The following RFT1 variants were observed in gnomAD, a reference collection of about 807,000 sequenced individuals.
RFT1 encodes the protein RFT1 glycolipid translocator homolog.
Under a neutral mutation model 62.2 loss-of-function variants are expected in RFT1, and 43 were observed. That is an observed-to-expected ratio of 0.69 (90% CI 0.54 to 0.89). The LOEUF (loss-of-function observed/expected upper bound fraction) is 0.89, where lower values mean the gene tolerates loss of function less well. RFT1 is among the 40% of genes least tolerant of loss of function. The pLI, the probability that RFT1 is intolerant of heterozygous loss-of-function variation, is 0.00. For synonymous variants in RFT1, 262 were observed against 264.6 expected (o/e 0.99, Z 0.10); for missense variants, 605 against 649.9 (o/e 0.93, Z 0.75).
At chr3:53,120,086 A>C in intron 5 of RFT1, 65 bp from the exon 6 acceptor site, 4 of 1,395,736 alleles carry the variant, frequency 2.9e-6, no homozygotes, top group Non-Finnish European at 2.9e-6. Flanking sequence ...ATTTGATCTC[A>C]AAGGCCAGTC....
chr3:53,111,960 A>C lies in RFT1; in HGVS notation c.697-52T>G, dbSNP rs749043940. ...AAACATCACAGGCGTTGCAAGTCTA[A>C]GAATGCAATGCTACATGAGAGGCAA... On this transcript the variant is annotated intron_variant, in intron 6 of 12. Transcript: ENST00000296292. The C allele has an allele frequency of 7.8e-6, 11 of 1,402,078 alleles. No homozygotes were observed. In the East Asian group the frequency reaches 2.5e-4, roughly 32 times the overall value. 86.9% of individuals were successfully genotyped at this position (1,402,078 alleles called of 1,614,324 possible). A position where few individuals can be genotyped will look rare whatever the true frequency, so the allele number is the denominator to read the frequency against.
chr3:53,103,307 C>A (rs1328940436), intron 10 of RFT1: 2 of 982,936 alleles, frequency 2.0e-6, no homozygotes, highest in Admixed American at 6.2e-5. Context: ...CAAGATGAAG[C>A]ACTGCAAATG....
rs1159558402 is a variant in RFT1, at chr3:53,090,935, T to C, written c.*968A>G. On this transcript the variant is annotated 3_prime_UTR_variant, in exon 13 of 13. Coordinates refer to ENST00000296292, the MANE Select transcript of RFT1 (RefSeq NM_052859.4). ...GCTGGAATTTGGTTGTATTGATCAA[T>C]GCTGGAATTAATGGGTCAACGGGAG... 1 of 152,254 alleles carries C rather than the reference T, an allele frequency of 6.6e-6. No homozygotes were observed. The highest frequency in any genetic ancestry group is 1.5e-5 in the Non-Finnish European group (1 of 68,072). 9.4% of individuals were successfully genotyped at this position (152,254 alleles called of 1,614,324 possible). A position where few individuals can be genotyped will look rare whatever the true frequency, so the allele number is the denominator to read the frequency against.
chr3:53,105,595 C>T, intron 9 of RFT1, 78 bp downstream of exon 9: 2 of 1,516,684 alleles, frequency 1.3e-6, no homozygotes, highest in East Asian at 2.3e-5. Flanking sequence ...AGAAGAGAAA[C>T]AGACTGCTTC....
intron 6 of RFT1, among the ~76,000 whole-genome samples, chr3:53,117,400 T>C (rs563663865): frequency 6.6e-6 from 1 of 152,286 alleles, no homozygotes; most frequent in East Asian, 1.9e-4. Context: ...GCTTCAGATC[T>C]ATATCAGGTG....
At chr3:53,110,119 A>G (rs1420564322) in intron 7 of RFT1, among the ~76,000 whole-genome samples, 2 of 152,214 alleles carry the variant, frequency 1.3e-5, no homozygotes, top group Non-Finnish European at 2.9e-5. Context: ...GTTGTCTGCA[A>G]TCCAGAAAAC....
intron 11 of RFT1, among the ~76,000 whole-genome samples, chr3:53,094,165 C>T (rs955817424): frequency 5.3e-5 from 8 of 152,080 alleles, no homozygotes; most frequent in Non-Finnish European, 1.2e-4. Flanking sequence ...AGGAGAATTG[C>T]TTGAGGCCAA....
At chr3:53,113,620 A>C (rs1296817720) in intron 6 of RFT1, among the ~76,000 whole-genome samples, 1 of 152,276 alleles carries the variant, frequency 6.6e-6, no homozygotes. Flanking sequence ...CACAGGAAAA[A>C]GAAACAAGTG....
intron 5 of RFT1, among the ~76,000 whole-genome samples, chr3:53,120,427 C>G (rs1377265748): frequency 6.6e-6 from 1 of 152,226 alleles, no homozygotes; most frequent in Non-Finnish European, 1.5e-5. Context: ...TTGCCGTCAT[C>G]AAGGACTGTG....
rs150644658 is a variant in RFT1 at position 53,110,224 on chromosome 3, C to T, written c.775+1606G>A. Among the ~76,000 whole-genome samples, 99 of 152,312 alleles carry T rather than the reference C, an allele frequency of 6.5e-4. 1 individual carries two copies. The East Asian group carries it at 0.013, about 20-fold the overall frequency. Reference sequence around the variant, plus strand: ...AAGGAAAAAAATGCATATGAGCAACCGTCCTTTCCAAAACTCACTCCACCG... The same window carrying T: ...AAGGAAAAAAATGCATATGAGCAACTGTCCTTTCCAAAACTCACTCCACCG... On this transcript the variant is annotated intron_variant, in intron 7 of 12. Coordinates refer to ENST00000296292, the MANE Select transcript of RFT1 (RefSeq NM_052859.4).
Position 53,121,757 on chromosome 3 carries a change from G to A in RFT1, c.500C>T (p.Thr167Ile). Residue 167 changes from threonine (T) to isoleucine (I), a missense_variant, in exon 5 of 13, where the codon ACA becomes ATA. Physicochemically the swap from Thr to Ile is moderately conservative, Grantham distance 89. Coordinates refer to ENST00000296292, the MANE Select transcript of RFT1 (RefSeq NM_052859.4). ...AGGCAACCACAGCACGAGAAAAGCT[G>A]TCAGAACGCTCTTAAGAATTACCGA... ...SLSVILKSVL[T>I]AFLVLWLPHW... is the part of the protein sequence containing the mutation. The A allele has an allele frequency of 6.2e-7, 1 of 1,614,052 alleles. No individual in the cohort carries two copies.
In RFT1 at chr3:53,104,055, T is replaced by A. The variant is rs758800419; in HGVS notation, c.1000A>T (p.Lys334Ter). 3.1e-6 allele frequency: 5 copies of A among 1,614,130 alleles called. No homozygotes were observed. In the South Asian group the frequency reaches 4.4e-5, roughly 14 times the overall value. ...GTCAGGCCGGCCAGCAGGGCCAGCT[T>A]GAGCAGGGACTCCAAGACTGCAGCA... ...VAAAVLESLL[K>*]LALLAGLTIT... The change falls in exon 10 of 13, where the codon AAG (lysine) becomes TAG (stop). Residue 334 changes from lysine (K) to a stop codon, truncating the protein, a stop_gained. Coordinates refer to ENST00000296292, the MANE Select transcript of RFT1 (RefSeq NM_052859.4). LOFTEE classifies it high-confidence loss of function.
At chr3:53,073,372 C>T in the RFT1 span, among the ~76,000 whole-genome samples, 1 of 152,198 alleles carries the variant, frequency 6.6e-6, no homozygotes, top group East Asian at 1.9e-4. Context: ...CCACCTGTGC[C>T]GCAAGTGGAG....
chr3:53,072,772 T>C, the RFT1 span, among the ~76,000 whole-genome samples: 3 of 152,202 alleles, frequency 2.0e-5, no homozygotes, highest in Admixed American at 6.5e-5. Flanking sequence ...GGCTGCTCCA[T>C]TGTTTCCTGT....
chr3:53,118,914 A>C (rs1463000349), intron 6 of RFT1, among the ~76,000 whole-genome samples: 2 of 152,136 alleles, frequency 1.3e-5, no homozygotes, highest in Non-Finnish European at 2.9e-5. Context: ...CTAGCCTGAC[A>C]CTCAGAAGGA....
chr3:53,091,787 G>T lies in RFT1; in HGVS notation c.*116C>A, dbSNP rs1474404507. 1 of 1,092,490 alleles carries T rather than the reference G, an allele frequency of 9.2e-7. No homozygotes were observed. The highest frequency in any genetic ancestry group is 1.5e-5 in the African/African-American group (1 of 65,640). 67.7% of individuals were successfully genotyped at this position (1,092,490 alleles called of 1,614,324 possible). A position where few individuals can be genotyped will look rare whatever the true frequency, so the allele number is the denominator to read the frequency against. On this transcript the variant is annotated 3_prime_UTR_variant, in exon 13 of 13. Transcript: ENST00000296292. ...GGCACTCTCTGGTGCCTCATCTCTG[G>T]GGTTGCTGTCACTCCGCTGCAGAGC... is the stretch of plus-strand genomic sequence containing the variant.
At chr3:53,112,001 T>C in intron 6 of RFT1, 93 bp from the exon 7 acceptor site, 1 of 970,508 alleles carries the variant, frequency 1.0e-6, no homozygotes, top group Non-Finnish European at 1.6e-6. Flanking sequence ...ATCTGGTCTC[T>C]AAATCCCAAC....
rs12638996 is a variant in RFT1 at position 53,123,530 on chromosome 3, T to C, written c.266+194A>G. Reference sequence around the variant, plus strand: ...AGAACCTCTTCCTGGCTCCTGGATATCCAGAGAGAAAATGAGCCAAGAAGT... The same window carrying C: ...AGAACCTCTTCCTGGCTCCTGGATACCCAGAGAGAAAATGAGCCAAGAAGT... On this transcript the variant is annotated intron_variant, in intron 3 of 12. Coordinates refer to ENST00000296292, the MANE Select transcript of RFT1 (RefSeq NM_052859.4). 0.26 allele frequency among the ~76,000 whole-genome samples: 40,046 copies of C among 152,076 alleles called. 5,675 individuals are homozygous for C. The highest frequency in any genetic ancestry group is 0.4 in the Middle Eastern group (117 of 294).
At chr3:53,130,295 T>A in intron 1 of RFT1, 43 bp downstream of exon 1, 1 of 1,540,562 alleles carries the variant, frequency 6.5e-7, no homozygotes. Flanking sequence ...ATCCCGCGAA[T>A]CCCGGCTGCA....
Sources: allele counts gnomAD v4.1 joint callset (sites outside exome capture counted in the v4.1 genomes callset), GRCh38; gene constraint gnomAD v4.1.1; transcripts MANE v1.5; gene names NCBI Gene and HGNC (gene_info 2026-07-23, HGNC 2026-07-21).